The following MICAL3 variants were observed in gnomAD, a reference collection of about 807,000 sequenced individuals.
The protein encoded by MICAL3 is microtubule associated monooxygenase, calponin and LIM domain containing 3, also known as [F-actin]-monooxygenase MICAL3.
A neutral mutation model predicts 207.4 loss-of-function variants in MICAL3; 62 were observed. That is an observed-to-expected ratio of 0.30 (90% CI 0.24 to 0.37). The LOEUF is 0.37. Ranked by LOEUF, MICAL3 falls within the 10% of genes least tolerant of loss-of-function variation. MICAL3 has a pLI of 1.00. For missense variants in MICAL3, 2,368 were observed against 2,635.6 expected, an observed-to-expected ratio of 0.90 and a Z score of 2.22; for synonymous variants, 1,077 against 1,069.3, an observed-to-expected ratio of 1.01 and a Z score of -0.14.
In MICAL3 at chr22:17,976,535, ATG is replaced by A. The variant is rs148517944; in HGVS notation, c.-75+47744_-75+47745del. Among the ~76,000 whole-genome samples, 862 of 96,896 alleles carry A rather than the reference ATG, an allele frequency of 8.9e-3. 13 individuals are homozygous for A. The highest frequency in any genetic ancestry group is 0.024 in the African/African-American group (609 of 25,206). 63.6% of individuals were successfully genotyped at this position (96,896 alleles called of 152,430 possible). ...TATACATGTATATATGTGTATATAT[ATG>A]TGTGTGTGTGTGTGTGTGTGTGTGT... On this transcript the variant is annotated intron_variant, in intron 1 of 31. Coordinates refer to ENST00000441493, the MANE Select transcript of MICAL3 (RefSeq NM_015241.3).
At chr22:17,935,275 C>T (rs1933461112) in intron 1 of MICAL3, among the ~76,000 whole-genome samples, 2 of 152,130 alleles carry the variant, frequency 1.3e-5, no homozygotes, top group African/African-American at 4.8e-5. Flanking sequence ...AATAATGCCA[C>T]ACATCTACAA....
chr22:17,921,469 A>G (rs1932798520), intron 1 of MICAL3, among the ~76,000 whole-genome samples: 1 of 152,154 alleles, frequency 6.6e-6, no homozygotes, highest in African/African-American at 2.4e-5. Flanking sequence ...ACTAGCTTGG[A>G]CTAGCACAGC....
Position 17,827,670 on chromosome 22 carries a change from G to C in MICAL3, c.3167C>G (p.Pro1056Arg). 6.3e-7 allele frequency: 1 copy of C among 1,577,422 alleles called. No homozygotes were observed. The change falls in exon 22 of 32, where the codon CCG (proline) becomes CGG (arginine). Residue 1056 changes from proline (P) to arginine (R), a missense_variant. This residue lies in a region of MICAL3 where 1,770 missense variants were observed against 1,863.2 expected (regional missense o/e 0.95). Transcript: ENST00000441493. ...REREEEERMA[P>R]ASESSASGAP... ...TCCGGAAGCAGAGGACTCAGAGGCC[G>C]GCGCCATCCTCTCTTCCTCCTCTCT...
intron 2 of MICAL3, among the ~76,000 whole-genome samples, chr22:17,905,251 C>T (rs1931631438): frequency 6.6e-6 from 1 of 152,230 alleles, no homozygotes; most frequent in South Asian, 2.1e-4. Context: ...CAGAGTACTA[C>T]ATACACACTC....
chr22:17,879,250 G>T, intron 16 of MICAL3: 1 of 1,037,750 alleles, frequency 9.6e-7, no homozygotes. Flanking sequence ...AGGGGAGGGG[G>T]CCGTCCCCCA....
chr22:17,959,375 C>A (rs1934790407), intron 1 of MICAL3, among the ~76,000 whole-genome samples: 1 of 151,302 alleles, frequency 6.6e-6, no homozygotes, highest in Non-Finnish European at 1.5e-5. Context: ...AGTGCAGTGG[C>A]GCAATCTTGG....
Position 17,818,318 on chromosome 22 carries a change from G to A in MICAL3, c.4343C>T (p.Ser1448Leu), listed in dbSNP as rs201688866. Residue 1448 changes from serine (S) to leucine (L), a missense_variant, in exon 26 of 32, where the codon TCG (serine) becomes TTG (leucine). By Grantham distance (145) the Ser-to-Leu change is moderately radical. Coordinates refer to ENST00000441493, the MANE Select transcript of MICAL3 (RefSeq NM_015241.3). ...KTLGSQSFNT[S>L]DSAMLTPPSS... The stretch of plus-strand genomic sequence containing the variant: ...GGGGGGCGTGAGCATGGCGGAGTCC[G>A]AGGTGTTGAAGCTCTGGCTGCCCAG... The A allele has an allele frequency of 2.2e-5, 34 of 1,574,974 alleles. No homozygotes were observed. The highest frequency in any genetic ancestry group is 2.5e-5 in the Non-Finnish European group (29 of 1,165,436).
chr22:18,002,848 C>T (rs746220025), intron 1 of MICAL3, among the ~76,000 whole-genome samples: 1 of 151,860 alleles, frequency 6.6e-6, no homozygotes, highest in Non-Finnish European at 1.5e-5. Context: ...CAACTTTGAG[C>T]ATTATCCACT....
At chr22:17,805,773 G>A (rs544150389) in intron 29 of MICAL3, among the ~76,000 whole-genome samples, 2 of 152,336 alleles carry the variant, frequency 1.3e-5, no homozygotes, top group Non-Finnish European at 2.9e-5. Flanking sequence ...TTGTTGCCCA[G>A]GTTGGACTGC....
chr22:18,013,437 T>G (rs1923867327), intron 1 of MICAL3, among the ~76,000 whole-genome samples: 1 of 152,240 alleles, frequency 6.6e-6, no homozygotes, highest in African/African-American at 2.4e-5. Flanking sequence ...AGTTAAAAGA[T>G]GTGCCCAAGG....
intron 7 of MICAL3, among the ~76,000 whole-genome samples, chr22:17,898,741 C>T (rs1049878593): frequency 5.9e-5 from 9 of 152,200 alleles, no homozygotes; most frequent in East Asian, 5.8e-4. Flanking sequence ...GGACCATCCA[C>T]GCGGTGGTCT....
At chr22:17,864,458 G>T in intron 19 of MICAL3, 1 of 1,421,224 alleles carries the variant, frequency 7.0e-7, no homozygotes, top group Non-Finnish European at 9.2e-7. Flanking sequence ...GCTCCAGGCC[G>T]TCAGAGGAGC....
chr22:17,878,770 A>G (rs1468086237), intron 16 of MICAL3, among the ~76,000 whole-genome samples: 3 of 152,172 alleles, frequency 2.0e-5, no homozygotes, highest in African/African-American at 4.8e-5. Flanking sequence ...AGCTGCAATC[A>G]GTAATTTCTC....
intron 1 of MICAL3, among the ~76,000 whole-genome samples, chr22:17,966,949 G>A (rs1173816863): frequency 6.6e-6 from 1 of 152,208 alleles, no homozygotes; most frequent in Non-Finnish European, 1.5e-5. Context: ...TAGCAGATGG[G>A]AATGGGTAGT....
At chr22:17,816,835 C>T (rs1921043651) in intron 26 of MICAL3, 51 bp from the exon 27 acceptor site, 3 of 1,321,610 alleles carry the variant, frequency 2.3e-6, no homozygotes, top group Non-Finnish European at 3.2e-6. Flanking sequence ...GCAGGCGCAG[C>T]CCTCTCCTGC....
chr22:17,802,071 T>TC (rs2061946451), intron 29 of MICAL3, among the ~76,000 whole-genome samples: 1 of 151,796 alleles, frequency 6.6e-6, no homozygotes, highest in Non-Finnish European at 1.5e-5. Flanking sequence ...ATTTTTTTTT[T>TC]TTTTTTTAAG....
chr22:17,910,048 G>A (rs1200359289), intron 1 of MICAL3, among the ~76,000 whole-genome samples: 2 of 152,132 alleles, frequency 1.3e-5, no homozygotes, highest in South Asian at 2.1e-4. Context: ...CTGATCCACC[G>A]CTACCTCATG....
intron 29 of MICAL3, among the ~76,000 whole-genome samples, chr22:17,804,848 C>T (rs2061974390): frequency 6.6e-6 from 1 of 152,194 alleles, no homozygotes; most frequent in South Asian, 2.1e-4. Flanking sequence ...GGTCCTGCCC[C>T]AGTTTTTCAA....
At chr22:18,017,402 A>C (rs1924130405) in intron 1 of MICAL3, among the ~76,000 whole-genome samples, 1 of 150,062 alleles carries the variant, frequency 6.7e-6, no homozygotes, top group Non-Finnish European at 1.5e-5. Context: ...TTTTTAGTGG[A>C]GATGCGGTTT....
Sources: allele counts gnomAD v4.1 joint callset (sites outside exome capture counted in the v4.1 genomes callset), GRCh38; gene constraint gnomAD v4.1.1; regional missense constraint gnomAD v4.1.1; transcripts MANE v1.5; gene names NCBI Gene and HGNC (gene_info 2026-07-23, HGNC 2026-07-21).